The following TIAM1 variants were observed in gnomAD, a reference collection of about 807,000 sequenced individuals.
TIAM1 encodes the protein TIAM Rac1 associated GEF 1.
Under a neutral mutation model 163.5 loss-of-function variants are expected in TIAM1, and 65 were observed. The ratio of observed to expected loss-of-function variants is 0.40; its 90% CI spans 0.33 to 0.49. The LOEUF is 0.49. Among genes scored for constraint, TIAM1 ranks in the 20% least tolerant of loss-of-function variants. The pLI is 0.77. For synonymous variants in TIAM1, 833 were observed against 810.1 expected, an observed-to-expected ratio of 1.03 and a Z score of -0.48; for missense variants, 1,789 against 2,044.7, an observed-to-expected ratio of 0.87 and a Z score of 2.41.
Position 31,395,669 on chromosome 21 carries a change from T to C in TIAM1, c.-368-56247A>G, listed in dbSNP as rs980903128. Among the ~76,000 whole-genome samples the C allele has an allele frequency of 1.8e-4, 28 of 152,158 alleles. No homozygotes were observed. The highest frequency in any genetic ancestry group is 5.6e-4 in the African/African-American group (23 of 41,434). ...TAGTAAAAGGTGCTGGACGAGAGAA[T>C]AAATATTGACTAAAACATCTATCTT... is the stretch of plus-strand genomic sequence containing the variant. On this transcript the variant is annotated intron_variant, in intron 2 of 28. Coordinates refer to the TIAM1 transcript ENST00000286827. The surrounding 1 kb of genome is among the most constrained non-coding windows in gnomAD (Gnocchi z 7.5).
chr21:31,513,889 C>T (rs2047294674), intron 1 of TIAM1, among the ~76,000 whole-genome samples: 1 of 152,046 alleles, frequency 6.6e-6, no homozygotes, highest in Non-Finnish European at 1.5e-5. Context: ...TGCCTGTAAT[C>T]CCAGCTACTC....
intron 25 of TIAM1, among the ~76,000 whole-genome samples, chr21:31,128,643 G>A (rs1415414264): frequency 6.6e-6 from 1 of 152,106 alleles, no homozygotes; most frequent in Non-Finnish European, 1.5e-5. Flanking sequence ...ACAACTTACA[G>A]GTGCCTGCAA....
At chr21:31,124,899 T>C (rs908966965) in intron 26 of TIAM1, among the ~76,000 whole-genome samples, 1 of 152,182 alleles carries the variant, frequency 6.6e-6, no homozygotes, top group Non-Finnish European at 1.5e-5. Context: ...TTGTGATCTA[T>C]CTCCTGGCGC....
At chr21:31,439,272 G>A (rs1393642380) in intron 2 of TIAM1, among the ~76,000 whole-genome samples, 1 of 152,096 alleles carries the variant, frequency 6.6e-6, no homozygotes, top group Admixed American at 6.6e-5. Flanking sequence ...AACCTTAAAA[G>A]CATTGTATTC....
intron 2 of TIAM1, among the ~76,000 whole-genome samples, chr21:31,336,908 G>A (rs927254950): frequency 1.3e-5 from 2 of 152,110 alleles, no homozygotes; most frequent in Admixed American, 1.3e-4. Flanking sequence ...TGACTCTGGC[G>A]GGCTGTGTGG....
chr21:31,454,395 G>A (rs2045006838), intron 2 of TIAM1, among the ~76,000 whole-genome samples: 1 of 152,202 alleles, frequency 6.6e-6, no homozygotes, highest in African/African-American at 2.4e-5. Context: ...AACAACATGT[G>A]TACTATGATC....
At chr21:31,524,514 A>G (rs1481200077) in intron 1 of TIAM1, among the ~76,000 whole-genome samples, 1 of 152,180 alleles carries the variant, frequency 6.6e-6, no homozygotes. Context: ...TGAATCCCAG[A>G]ACCTGGACTC....
chr21:31,497,792 G>A (rs2046715428), intron 1 of TIAM1, among the ~76,000 whole-genome samples: 2 of 152,212 alleles, frequency 1.3e-5, no homozygotes, highest in Admixed American at 1.3e-4. Flanking sequence ...CTGCCCAGAT[G>A]TCACCTCATG....
At chr21:31,410,610 AATTG>A in intron 2 of TIAM1, among the ~76,000 whole-genome samples, 1 of 151,726 alleles carries the variant, frequency 6.6e-6, no homozygotes, top group East Asian at 1.9e-4. Flanking sequence ...TGTGAGAGTG[AATTG>A]AGTGTTAGTG....
intron 1 of TIAM1, among the ~76,000 whole-genome samples, chr21:31,526,007 C>T (rs1329272374): frequency 6.7e-6 from 1 of 148,430 alleles, no homozygotes; most frequent in East Asian, 2.0e-4. Context: ...GCACTCAAGC[C>T]TGGGTGGCAG....
chr21:31,369,085 C>G (rs1309568022), intron 2 of TIAM1, among the ~76,000 whole-genome samples: 2 of 151,784 alleles, frequency 1.3e-5, no homozygotes, highest in African/African-American at 4.8e-5. Context: ...AATTAGCCGG[C>G]CGTGGTGGCG....
chr21:31,460,818 C>A (rs1286675765), intron 2 of TIAM1, among the ~76,000 whole-genome samples: 1 of 152,098 alleles, frequency 6.6e-6, no homozygotes, highest in Non-Finnish European at 1.5e-5. Context: ...TGTTTTAATT[C>A]TTTTCTTCCA....
At position 31,154,406 on chromosome 21, in the gene TIAM1, T is replaced by C; in HGVS notation, c.3012A>G (p.Ala1004=). The C allele has an allele frequency of 1.2e-6, 2 of 1,613,748 alleles. No individual in the cohort carries two copies. The highest frequency in any genetic ancestry group is 1.7e-6 in the Non-Finnish European group (2 of 1,179,934). ...HSSKSTEQVA[A]FCRSLHEMNP... ...TCATCTCATGCAAACTGCGGCAAAA[T>C]GCGGCCACCTGTTCTGTACTCTTCG... The change falls in exon 17 of 28, where the codon GCA becomes GCG. Residue 1004 remains alanine (A), a synonymous_variant. Coordinates refer to ENST00000541036, the MANE Select transcript of TIAM1 (RefSeq NM_001353694.2).
At chr21:31,283,697 ATGCCCAG>A (rs1243160559) in intron 2 of TIAM1, among the ~76,000 whole-genome samples, 1 of 152,118 alleles carries the variant, frequency 6.6e-6, no homozygotes, top group Non-Finnish European at 1.5e-5. Context: ...AGCGCACATC[ATGCCCAG>A]TTAATTTTTG....
intron 2 of TIAM1, among the ~76,000 whole-genome samples, chr21:31,402,129 C>G (rs1380659937): frequency 6.6e-6 from 1 of 151,962 alleles, no homozygotes; most frequent in Non-Finnish European, 1.5e-5. Flanking sequence ...AGGAGAATCG[C>G]TTGAACCCAG....
intron 4 of TIAM1, among the ~76,000 whole-genome samples, chr21:31,262,526 C>T (rs1448606484): frequency 6.6e-6 from 1 of 152,226 alleles, no homozygotes; most frequent in Non-Finnish European, 1.5e-5. Context: ...TGTGGATGCA[C>T]AACAAACATG....
chr21:31,507,904 A>G (rs1048106268), intron 1 of TIAM1, among the ~76,000 whole-genome samples: 2 of 152,176 alleles, frequency 1.3e-5, no homozygotes, highest in South Asian at 4.1e-4. Context: ...ACCTCCCAGA[A>G]CCTGTGACTG....
chr21:31,175,694 G>C (rs1243157478), intron 15 of TIAM1, among the ~76,000 whole-genome samples: 1 of 152,040 alleles, frequency 6.6e-6, no homozygotes, highest in Non-Finnish European at 1.5e-5. Context: ...TGCCTCCCAG[G>C]TTCAAGAGAG....
In TIAM1 at chr21:31,557,857, G is replaced by C. The variant is rs543709829; in HGVS notation, c.-422+1070C>G. Among the ~76,000 whole-genome samples the C allele has an allele frequency of 9.2e-5, 14 of 152,268 alleles. No homozygotes were observed. The East Asian group carries it at 2.5e-3, about 27-fold the overall frequency. On this transcript the variant is annotated intron_variant, in intron 1 of 28. Coordinates refer to the TIAM1 transcript ENST00000286827. ...CGACTGGAACCGGGTGAGTGTGGCCGAGTCGGCGCCCCGAGGGCCGCCAGC... is the reference window on the plus strand; with the variant it reads ...CGACTGGAACCGGGTGAGTGTGGCCCAGTCGGCGCCCCGAGGGCCGCCAGC...
Sources: allele counts gnomAD v4.1 joint callset (sites outside exome capture counted in the v4.1 genomes callset), GRCh38; gene constraint gnomAD v4.1.1; non-coding constraint Gnocchi (gnomAD v3.1); transcripts MANE v1.5; gene names NCBI Gene and HGNC (gene_info 2026-07-23, HGNC 2026-07-21).